SZT2: variants seen among roughly 807,000 people sequenced by gnomAD.
The protein encoded by SZT2 is SZT2 subunit of KICSTOR complex.
In SZT2, 216 loss-of-function variants were observed where a neutral mutation model predicts 404.2. That is an observed-to-expected ratio of 0.53 (90% CI 0.48 to 0.60). The LOEUF is 0.60. Among genes scored for constraint, SZT2 ranks in the 20% least tolerant of loss-of-function variants. The pLI is 0.00. For synonymous variants in SZT2, 1,693 were observed against 1,749.9 expected, an observed-to-expected ratio of 0.97 and a Z score of 0.81; for missense variants, 3,857 against 4,459.2, an observed-to-expected ratio of 0.86 and a Z score of 3.85.
In SZT2 at chr1:43,452,419, C is replaced by T. The variant is rs766935016; in HGVS notation, c.*1939C>T. The stretch of plus-strand genomic sequence containing the variant: ...CCAGCCCTCGTCCGTCTCCCCAGGT[C>T]TCCAGTCCATGGCACCTGGGTCACG... On this transcript the variant is annotated 3_prime_UTR_variant, in exon 72 of 72. Coordinates refer to ENST00000634258, the MANE Select transcript of SZT2 (RefSeq NM_001365999.1). 13 of 936,336 alleles carry T rather than the reference C, an allele frequency of 1.4e-5. No individual in the cohort carries two copies. In the African/African-American group the frequency reaches 2.0e-4, roughly 14 times the overall value. 58.0% of individuals were successfully genotyped at this position (936,336 alleles called of 1,614,324 possible).
intron 11 of SZT2, 97 bp from the exon 12 acceptor site, chr1:43,421,986 C>G (rs1464932358): frequency 5.2e-6 from 7 of 1,358,882 alleles, no homozygotes; most frequent in Non-Finnish European, 7.0e-6. Context: ...GTCTCTGACT[C>G]TCTGAACGGA....
rs1224573795 is a variant in SZT2 at position 43,439,198 on chromosome 1, A to T, written c.6792+105A>T. On this transcript the variant is annotated intron_variant, in intron 48 of 71. Transcript: ENST00000634258. This position sits in a 1 kb window ranked among gnomAD's most constrained non-coding sequence, Gnocchi z 4.2. ...CCCCTATATGTACCTTTGCCCATGG[A>T]CCTGGGTACACCCATGCCCCCCCGG... 3.9e-6 allele frequency: 6 copies of T among 1,553,254 alleles called. No individual in the cohort carries two copies. Among genetic ancestry groups the T allele is most frequent in the Non-Finnish European group, 5.3e-6 (6 of 1,133,522 alleles).
intron 70 of SZT2, chr1:43,449,482 G>A (rs985533858): frequency 1.2e-5 from 2 of 163,446 alleles, no homozygotes; most frequent in Non-Finnish European, 2.7e-5. Flanking sequence ...CGGCGGTTGT[G>A]AATGGAGGCA....
rs1254698230 is a variant in SZT2, at chr1:43,452,167, G to A, written c.*1687G>A. 1.3e-6 allele frequency: 2 copies of A among 1,553,792 alleles called. No individual in the cohort carries two copies. Among genetic ancestry groups the A allele is most frequent in the South Asian group, 1.1e-5 (1 of 88,234 alleles). On this transcript the variant is annotated 3_prime_UTR_variant, in exon 72 of 72. Transcript: ENST00000634258. Reference sequence around the variant, plus strand: ...GCACCCCCTTCTCCGCACACCCACAGAGACATGTAAGTACGTGTGTGTTTC... The same window carrying A: ...GCACCCCCTTCTCCGCACACCCACAAAGACATGTAAGTACGTGTGTGTTTC...
Position 43,437,487 on chromosome 1 carries a change from C to T in SZT2, c.6269C>T (p.Thr2090Ile). 1 of 1,614,176 alleles carries T rather than the reference C, an allele frequency of 6.2e-7. No individual in the cohort carries two copies. Among genetic ancestry groups the T allele is most frequent in the Non-Finnish European group, 8.5e-7 (1 of 1,180,042 alleles). ...ATGTTTGTTTACCAGGAGCGAGCAA[C>T]AAAGGCTGTGTACTATCTTCGGTAT... ...KNMFVYQERA[T>I]KAVYYLRLLE... Residue 2090 changes from threonine to isoleucine, a missense_variant, in exon 44 of 72, where the codon ACA (threonine) becomes ATA (isoleucine). This residue lies in a region of SZT2 where 261 missense variants were observed against 372.9 expected (regional missense o/e 0.70). Coordinates refer to ENST00000634258, the MANE Select transcript of SZT2 (RefSeq NM_001365999.1). This position sits in a 1 kb window ranked among gnomAD's most constrained non-coding sequence, Gnocchi z 5.3.
chr1:43,447,260 G>A (rs1655787035), intron 66 of SZT2, 92 bp downstream of exon 66: 4 of 1,369,702 alleles, frequency 2.9e-6, no homozygotes, highest in African/African-American at 1.4e-5. Flanking sequence ...CCCTGGACAA[G>A]TGGTCCCATG....
At chr1:43,438,280 G>C in intron 46 of SZT2, 1 of 347,088 alleles carries the variant, frequency 2.9e-6, no homozygotes, top group Non-Finnish European at 5.4e-6. Flanking sequence ...CCTGATACCA[G>C]ACTGGGTTCG....
In SZT2 at chr1:43,448,027, CTG is replaced by C; in HGVS notation, c.9564-46_9564-45del. ...ATTTCCCAGCCTGCCCCACCCTGCCCTGTGTGTCTCTTGCTACAACCACCACT... is the reference window on the plus strand; with the variant it reads ...ATTTCCCAGCCTGCCCCACCCTGCCCTGTGTCTCTTGCTACAACCACCACT... On this transcript the variant is annotated intron_variant, in intron 68 of 71. Transcript: ENST00000634258. This position sits in a 1 kb window ranked among gnomAD's most constrained non-coding sequence, Gnocchi z 4.2. 3 of 1,610,590 alleles carry C rather than the reference CTG, an allele frequency of 1.9e-6. No individual in the cohort carries two copies. Among genetic ancestry groups the C allele is most frequent in the Non-Finnish European group, 2.5e-6 (3 of 1,177,614 alleles).
chr1:43,435,521 T>G (rs1027886535), intron 42 of SZT2, among the ~76,000 whole-genome samples, 192 bp downstream of exon 42: 7 of 152,190 alleles, frequency 4.6e-5, no homozygotes, highest in African/African-American at 1.4e-4. Context: ...CATCAGTGAT[T>G]TTCATGGAAG....
chr1:43,417,374 C>T (rs1385126397), intron 7 of SZT2, among the ~76,000 whole-genome samples: 1 of 152,110 alleles, frequency 6.6e-6, no homozygotes, highest in Non-Finnish European at 1.5e-5. Context: ...AAGTTGTCTC[C>T]AAGTTTTTGA....
Position 43,441,772 on chromosome 1 carries a change from A to G in SZT2, c.7696A>G (p.Thr2566Ala). 1.2e-6 allele frequency: 2 copies of G among 1,614,112 alleles called. No individual in the cohort carries two copies. The highest frequency in any genetic ancestry group is 1.7e-6 in the Non-Finnish European group (2 of 1,180,022). The change falls in exon 55 of 72, where the codon ACC becomes GCC. Residue 2566 changes from threonine to alanine, a missense_variant. By Grantham distance (58) the Thr-to-Ala change is moderately conservative. Coordinates refer to ENST00000634258, the MANE Select transcript of SZT2 (RefSeq NM_001365999.1). This position sits in a 1 kb window ranked among gnomAD's most constrained non-coding sequence, Gnocchi z 4.8. ...SILSEFTALV[T>A]SMAGDTSVRI... is the part of the protein sequence containing the mutation. ...CCTGTCTGAGTTCACCGCACTGGTC[A>G]CCTCAATGGCTGGAGACACCAGTGT... is the stretch of plus-strand genomic sequence containing the variant.
At chr1:43,401,457 C>T (rs929195617) in intron 1 of SZT2, among the ~76,000 whole-genome samples, 4 of 152,092 alleles carry the variant, frequency 2.6e-5, no homozygotes, top group Non-Finnish European at 4.4e-5. Flanking sequence ...AACTTGGCCT[C>T]TACAGAGTAC....
chr1:43,411,769 CTTTTTTTTT>C (rs386366817), intron 4 of SZT2, among the ~76,000 whole-genome samples: 5 of 74,046 alleles, frequency 6.8e-5, no homozygotes, highest in African/African-American at 1.9e-4. Context: ...CATCCACTAT[CTTTTTTTTT>C]TTTTTTTTTT....
rs370164213 is a variant in SZT2, at chr1:43,442,868, G to C, written c.8201G>C (p.Arg2734Pro). 9 of 1,613,154 alleles carry C rather than the reference G, an allele frequency of 5.6e-6. No individual in the cohort carries two copies. Among genetic ancestry groups the C allele is most frequent in the Non-Finnish European group, 6.8e-6 (8 of 1,179,504 alleles). Residue 2734 changes from arginine to proline, a missense_variant, in exon 59 of 72, where the codon CGG becomes CCG. By Grantham distance (103) the Arg-to-Pro change is moderately radical. Around this residue, in one of 7 missense-constraint regions of SZT2, gnomAD observed 573 missense variants for 592.4 expected, o/e 0.97. Coordinates refer to ENST00000634258, the MANE Select transcript of SZT2 (RefSeq NM_001365999.1). This position sits in a 1 kb window ranked among gnomAD's most constrained non-coding sequence, Gnocchi z 4.5. ...ACCATGGAAGTGGAGACCCTCATCC[G>C]GAGTGCAAGTCCCCCGCTGAGCCGT... ...LPTMEVETLI[R>P]SASPPLSREQ...
chr1:43,404,846 T>A (rs551561618), intron 4 of SZT2: 1 of 267,890 alleles, frequency 3.7e-6, no homozygotes, highest in Non-Finnish European at 7.0e-6. Context: ...TTTTCTCCAT[T>A]CCCCTCTTCT....
chr1:43,433,166 G>T lies in SZT2; in HGVS notation c.5780G>T (p.Arg1927Leu), dbSNP rs375009349. Residue 1927 changes from arginine (R) to leucine (L), a missense_variant, in exon 40 of 72, where the codon CGT (arginine) becomes CTT (leucine). Transcript: ENST00000634258. ...CTCATTGTCCGGGTCCTGCAGGACC[G>T]TGTGGAAGTGTATGCACATGCACGG... is the stretch of plus-strand genomic sequence containing the variant. The part of the protein sequence containing the change: ...FWLIVRVLQD[R>L]VEVYAHARSL... 1.4e-5 allele frequency: 23 copies of T among 1,613,862 alleles called. No homozygotes were observed. In the South Asian group the frequency reaches 2.5e-4, roughly 18 times the overall value.
At chr1:43,421,041 T>C (rs1652296602) in intron 10 of SZT2, 58 bp downstream of exon 10, 2 of 1,594,322 alleles carry the variant, frequency 1.3e-6, no homozygotes, top group East Asian at 4.5e-5. Context: ...AGGGACAGAT[T>C]TGCAAAGGCG....
Position 43,447,873 on chromosome 1 carries a change from G to A in SZT2, c.9465G>A (p.Glu3155=), listed in dbSNP as rs750247016. 1 of 1,614,088 alleles carries A rather than the reference G, an allele frequency of 6.2e-7. No individual in the cohort carries two copies. Among genetic ancestry groups the A allele is most frequent in the South Asian group, 1.1e-5 (1 of 91,070 alleles). Residue 3155 remains glutamate (E), a synonymous_variant, in exon 68 of 72, where the codon GAG becomes GAA. Coordinates refer to ENST00000634258, the MANE Select transcript of SZT2 (RefSeq NM_001365999.1). Reference sequence around the variant, plus strand: ...GTTCTGGCTCCTACCTGGACTCTGAGGGACTTCGACACCAGGATGACTTTG... The same window carrying A: ...GTTCTGGCTCCTACCTGGACTCTGAAGGACTTCGACACCAGGATGACTTTG... The part of the protein sequence containing the change: ...WHSSGSYLDS[E]GLRHQDDFDV...
chr1:43,440,511 T>G lies in SZT2; in HGVS notation c.7269T>G (p.Phe2423Leu), dbSNP rs777460618. 6.2e-7 allele frequency: 1 copy of G among 1,608,030 alleles called. No individual in the cohort carries two copies. Among genetic ancestry groups the G allele is most frequent in the South Asian group, 1.1e-5 (1 of 90,282 alleles). The change falls in exon 52 of 72, where the codon TTT (phenylalanine) becomes TTG (leucine). Residue 2423 changes from phenylalanine (F) to leucine (L), a missense_variant. This residue lies in a region of SZT2 where 573 missense variants were observed against 592.4 expected (regional missense o/e 0.97). Transcript: ENST00000634258. ...TKSSAGRAST[F>L]PPAPVPGEPV... Reference sequence around the variant, plus strand: ...GCTCTGCAGGCCGAGCTAGCACCTTTCCCCCTGCCCCTGTCCCTGGGGAGC... The same window carrying G: ...GCTCTGCAGGCCGAGCTAGCACCTTGCCCCCTGCCCCTGTCCCTGGGGAGC...
Sources: gnomAD v4.1 joint callset for allele counts (sites outside exome capture counted in the v4.1 genomes callset) on GRCh38, gnomAD v4.1.1 for gene constraint, gnomAD v4.1.1 regional missense constraint, Gnocchi (gnomAD v3.1) non-coding constraint, MANE v1.5 for transcripts, NCBI Gene and HGNC (gene_info 2026-07-23, HGNC 2026-07-21) for gene names.